CDH2: variants seen among roughly 807,000 people sequenced by gnomAD.
CDH2 encodes cadherin 2.
CDH2 carries 17 observed loss-of-function variants against 92.0 expected under a neutral mutation model. The ratio of observed to expected loss-of-function variants is 0.18; its 90% CI spans 0.13 to 0.28. The LOEUF (loss-of-function observed/expected upper bound fraction) is 0.28, where lower values mean the gene tolerates loss of function less well. Ranked by LOEUF, CDH2 falls within the 10% of genes least tolerant of loss-of-function variation. CDH2 has a pLI of 1.00. For missense variants in CDH2, 862 were observed against 1,133.1 expected, an observed-to-expected ratio of 0.76 and a Z score of 3.44; for synonymous variants, 419 against 415.9, an observed-to-expected ratio of 1.01 and a Z score of -0.09.
intron 2 of CDH2, among the ~76,000 whole-genome samples, chr18:28,088,433 G>A (rs1021871059): frequency 6.6e-6 from 1 of 151,962 alleles, no homozygotes; most frequent in Non-Finnish European, 1.5e-5. Context: ...TTTTTCATTC[G>A]AATTAAATTG....
At chr18:28,052,208 G>A (rs2014205952) in intron 2 of CDH2, among the ~76,000 whole-genome samples, 1 of 152,156 alleles carries the variant, frequency 6.6e-6, no homozygotes, top group South Asian at 2.1e-4. Flanking sequence ...AAAATAATTA[G>A]AAGAGTCATA....
chr18:28,083,566 T>C (rs1271005844), intron 2 of CDH2, among the ~76,000 whole-genome samples: 3 of 152,118 alleles, frequency 2.0e-5, no homozygotes, highest in African/African-American at 7.2e-5. Flanking sequence ...CAAAGCTAGT[T>C]TGCTTTGTGA....
chr18:28,097,071 T>C (rs768043104), intron 2 of CDH2: 1 of 152,248 alleles, frequency 6.6e-6, no homozygotes, highest in African/African-American at 2.4e-5. Context: ...ACCTCTGTAT[T>C]TCCAGTACAC....
At chr18:27,950,641 G>C (rs530999014), downstream of CDH2, among the ~76,000 whole-genome samples, 3 of 152,208 alleles carry the variant, frequency 2.0e-5, no homozygotes, top group African/African-American at 7.2e-5. Context: ...TCAGTCAACA[G>C]AACAATTAAC....
chr18:27,973,147 C>T (rs1019788756), intron 14 of CDH2, among the ~76,000 whole-genome samples: 16 of 151,996 alleles, frequency 1.1e-4, no homozygotes, highest in African/African-American at 3.1e-4. Context: ...TTGGACTTGG[C>T]GGAATGTGCT....
chr18:28,153,440 A>C (rs2144338146), intron 1 of CDH2, among the ~76,000 whole-genome samples: 1 of 152,346 alleles, frequency 6.6e-6, no homozygotes, highest in South Asian at 2.1e-4. Flanking sequence ...AAGAAAGTCT[A>C]ATGAGATACC....
chr18:28,016,642 T>G (rs1450953029), intron 2 of CDH2, among the ~76,000 whole-genome samples: 15 of 152,160 alleles, frequency 9.9e-5, no homozygotes, highest in Admixed American at 9.8e-4. Flanking sequence ...AAACTTCAAG[T>G]CATCTATGCA....
intron 6 of CDH2, among the ~76,000 whole-genome samples, chr18:27,939,393 G>A (rs956483774): frequency 2.0e-5 from 3 of 152,066 alleles, no homozygotes; most frequent in Non-Finnish European, 2.9e-5. Flanking sequence ...AGAAACACAC[G>A]AAAGGAGAAA....
intron 15 of CDH2, among the ~76,000 whole-genome samples, chr18:27,957,190 T>C (rs2011271486): frequency 1.3e-5 from 2 of 151,872 alleles, no homozygotes; most frequent in South Asian, 2.1e-4. Context: ...TGCACAGATC[T>C]TTTTTCCCCA....
In CDH2 at chr18:27,990,326, T is replaced by A; in HGVS notation, c.1369A>T (p.Met457Leu). 1 of 1,611,478 alleles carries A rather than the reference T, an allele frequency of 6.2e-7. No homozygotes were observed. The highest frequency in any genetic ancestry group is 8.5e-7 in the Non-Finnish European group (1 of 1,177,914). ...TCTGCAGCAACAGTAAGGACAAACATCCTATTTGTTTCAAAGTCGATTGGC... is the reference window on the plus strand; with the variant it reads ...TCTGCAGCAACAGTAAGGACAAACAACCTATTTGTTTCAAAGTCGATTGGC... Reference protein sequence around the residue: ...VKPIDFETNRMFVLTVAAENQ... With the variant: ...VKPIDFETNRLFVLTVAAENQ... The change falls in exon 10 of 16, where the codon ATG becomes TTG. Residue 457 changes from methionine (M) to leucine (L), a missense_variant. By Grantham distance (15) the Met-to-Leu change is conservative (BLOSUM62 2). This residue lies in a region of CDH2 where 564 missense variants were observed against 722.2 expected (regional missense o/e 0.78). Transcript: ENST00000269141.
chr18:28,132,580 G>T (rs538849687), intron 2 of CDH2, among the ~76,000 whole-genome samples: 2 of 152,124 alleles, frequency 1.3e-5, no homozygotes, highest in Admixed American at 1.3e-4. Flanking sequence ...ATCCAAAGGG[G>T]TTCCACTGCA....
intron 14 of CDH2, among the ~76,000 whole-genome samples, chr18:27,974,799 T>A (rs1202655300): frequency 6.6e-6 from 1 of 152,184 alleles, no homozygotes; most frequent in Non-Finnish European, 1.5e-5. Flanking sequence ...AAAGGCGCCT[T>A]ATATGAAGCA....
At position 28,091,483 on chromosome 18, in the gene CDH2, AC is replaced by A. The variant is rs564875393; in HGVS notation, c.172+56189del. Among the ~76,000 whole-genome samples, 245 of 152,320 alleles carry A rather than the reference AC, an allele frequency of 1.6e-3. 2 individuals are homozygous for A. Among genetic ancestry groups the A allele is most frequent in the African/African-American group, 5.6e-3 (234 of 41,572 alleles). On this transcript the variant is annotated intron_variant, in intron 2 of 15. Transcript: ENST00000269141. ...TTTTGTAAAGTAGTGGGAAAAAAAAACCTTATTCATTTCTCTTACCATCAAA... is the reference window on the plus strand; with the variant it reads ...TTTTGTAAAGTAGTGGGAAAAAAAAACTTATTCATTTCTCTTACCATCAAA...
chr18:28,116,113 A>G (rs2015491430), intron 2 of CDH2, among the ~76,000 whole-genome samples: 1 of 152,170 alleles, frequency 6.6e-6, no homozygotes, highest in African/African-American at 2.4e-5. Context: ...TAAACAATCT[A>G]TAATTCACAG....
chr18:28,014,491 G>A (rs905254601), intron 2 of CDH2, among the ~76,000 whole-genome samples: 2 of 152,050 alleles, frequency 1.3e-5, no homozygotes, highest in Non-Finnish European at 2.9e-5. Context: ...AATGTTGAAT[G>A]TTTACTATGC....
chr18:27,986,670 G>A (rs960348936), intron 11 of CDH2, among the ~76,000 whole-genome samples: 2 of 152,164 alleles, frequency 1.3e-5, no homozygotes, highest in Admixed American at 1.3e-4. Context: ...AACTAGGAAG[G>A]TGCACATACA....
chr18:28,014,250 G>T (rs143239778), intron 2 of CDH2, among the ~76,000 whole-genome samples: 19 of 152,098 alleles, frequency 1.2e-4, no homozygotes, highest in African/African-American at 4.6e-4. Flanking sequence ...TCACTCTTCA[G>T]TCCCAGGTCT....
rs559430141 is a variant in CDH2 at position 28,159,930 on chromosome 18, T to C, written c.61-12146A>G. On this transcript the variant is annotated intron_variant, in intron 1 of 15. Transcript: ENST00000269141. ...CCTCAGTCTCCCAAAGTGCTGGGAT[T>C]ACAGGCGTGAGCCACCACGCCTGGC... 1.1e-4 allele frequency among the ~76,000 whole-genome samples: 16 copies of C among 152,292 alleles called. 1 individual carries two copies. The highest frequency in any genetic ancestry group is 3.8e-4 in the African/African-American group (16 of 41,580).
chr18:28,164,228 C>A (rs988891798), intron 1 of CDH2, among the ~76,000 whole-genome samples: 2 of 152,200 alleles, frequency 1.3e-5, no homozygotes, highest in African/African-American at 4.8e-5. Flanking sequence ...GCCCTGACAT[C>A]AGGCTACTTG....
Sources: allele counts gnomAD v4.1 joint callset (sites outside exome capture counted in the v4.1 genomes callset), GRCh38; gene constraint gnomAD v4.1.1; regional missense constraint gnomAD v4.1.1; transcripts MANE v1.5; gene names NCBI Gene and HGNC (gene_info 2026-07-23, HGNC 2026-07-21).